The following FNDC10 variants were observed in gnomAD, a reference collection of about 807,000 sequenced individuals.
FNDC10 encodes fibronectin type III domain containing 10.
Under a neutral mutation model 11.6 loss-of-function variants are expected in FNDC10, and 8 were observed. The ratio of observed to expected loss-of-function variants is 0.69; its 90% CI spans 0.41 to 1.25. FNDC10 has a LOEUF of 1.25. Among genes scored for constraint, FNDC10 ranks in the 50% most tolerant of loss-of-function variants. FNDC10 has a pLI of 0.01. For synonymous variants in FNDC10, 187 were observed against 162.9 expected, an observed-to-expected ratio of 1.15 and a Z score of -1.12; for missense variants, 308 against 330.2, an observed-to-expected ratio of 0.93 and a Z score of 0.52.
At position 1,599,650 on chromosome 1, in the gene FNDC10, C is replaced by G. The variant is rs2100220683; in HGVS notation, c.366G>C (p.Glu122Asp). ...WRGAYTRFPC[E>D]RVLLGASCRD... is the part of the protein sequence containing the mutation. ...GGCAGGAGGCCCCGAGGAGCACGCG[C>G]TCGCACGGGAAGCGCGTGTAGGCGC... is the stretch of plus-strand genomic sequence containing the variant. Residue 122 changes from glutamate to aspartate, a missense_variant, in exon 1 of 1, where the codon GAG (glutamate) becomes GAC (aspartate). By Grantham distance (45) the Glu-to-Asp change is conservative. Coordinates refer to ENST00000422725, the MANE Select transcript of FNDC10 (RefSeq NM_001242659.2). The surrounding 1 kb of genome is among the most constrained non-coding windows in gnomAD (Gnocchi z 6.7). 1 of 1,477,726 alleles carries G rather than the reference C, an allele frequency of 6.8e-7. No individual in the cohort carries two copies. The highest frequency in any genetic ancestry group is 2.8e-5 in the East Asian group (1 of 35,116). The allele number at this position is 1,477,726 out of a possible 1,614,324, so 91.5% of individuals were successfully genotyped here.
rs1643073650 is a variant in FNDC10, at chr1:1,598,510, T to C, written c.*825A>G. ...GGCTGCTCAAGGCCGGTATCTAAGC[T>C]TCTGCCCTGGGACCCAGTGGTGATG... On this transcript the variant is annotated 3_prime_UTR_variant, in exon 1 of 1. Transcript: ENST00000422725. 6.6e-6 allele frequency: 1 copy of C among 152,232 alleles called. No homozygotes were observed. The highest frequency in any genetic ancestry group is 6.5e-5 in the Admixed American group (1 of 15,274). 9.4% of individuals were successfully genotyped at this position (152,232 alleles called of 1,614,324 possible).
rs1168419763 is a variant in FNDC10 at position 1,599,255 on chromosome 1, G to A, written c.*80C>T. 13 of 1,308,100 alleles carry A rather than the reference G, an allele frequency of 9.9e-6. No homozygotes were observed. The highest frequency in any genetic ancestry group is 2.9e-5 in the Admixed American group (1 of 34,526). 81.0% of individuals were successfully genotyped at this position (1,308,100 alleles called of 1,614,324 possible). ...ATCTTAAGGAGGCAGCAGGAATGAG[G>A]AGAGGAGAGCGGGCGGAGGACCTGG... On this transcript the variant is annotated 3_prime_UTR_variant, in exon 1 of 1. Coordinates refer to ENST00000422725, the MANE Select transcript of FNDC10 (RefSeq NM_001242659.2). This position sits in a 1 kb window ranked among gnomAD's most constrained non-coding sequence, Gnocchi z 6.7.
rs1457873518 is a variant in FNDC10, at chr1:1,599,063, A to G, written c.*272T>C. Reference sequence around the variant, plus strand: ...GGGGCTCCATGCCCTGGCCGCCTCTATAAAGGCCTGCGGAGAGCGGGGAGA... The same window carrying G: ...GGGGCTCCATGCCCTGGCCGCCTCTGTAAAGGCCTGCGGAGAGCGGGGAGA... On this transcript the variant is annotated 3_prime_UTR_variant, in exon 1 of 1. Coordinates refer to ENST00000422725, the MANE Select transcript of FNDC10 (RefSeq NM_001242659.2). This position sits in a 1 kb window ranked among gnomAD's most constrained non-coding sequence, Gnocchi z 6.7. 1.8e-5 allele frequency: 9 copies of G among 489,530 alleles called. No homozygotes were observed. Among genetic ancestry groups the G allele is most frequent in the African/African-American group, 1.0e-4 (5 of 48,902 alleles). 30.3% of individuals were successfully genotyped at this position (489,530 alleles called of 1,614,324 possible). A position where few individuals can be genotyped will look rare whatever the true frequency, so the allele number is the denominator to read the frequency against.
At position 1,599,331 on chromosome 1, in the gene FNDC10, C is replaced by CGCTGGG; in HGVS notation, c.*3_*4insCCCAGC. 2.7e-6 allele frequency: 4 copies of CGCTGGG among 1,481,904 alleles called. No homozygotes were observed. In the East Asian group the frequency reaches 8.0e-5, roughly 29 times the overall value. 91.8% of individuals were successfully genotyped at this position (1,481,904 alleles called of 1,614,324 possible). The stretch of plus-strand genomic sequence containing the variant: ...GCGCAAAGATGGGCGGGCGGCCTCG[C>CGCTGGG]GCTTCAGGGGTGTCTGCGCAGGCCG... On this transcript the variant is annotated 3_prime_UTR_variant, in exon 1 of 1. Transcript: ENST00000422725. The surrounding 1 kb of genome is among the most constrained non-coding windows in gnomAD (Gnocchi z 6.7).
Position 1,599,776 on chromosome 1 carries a change from G to A in FNDC10, c.240C>T (p.Arg80=). The change falls in exon 1 of 1, where the codon CGC becomes CGT. Residue 80 remains arginine (R), a synonymous_variant. Coordinates refer to ENST00000422725, the MANE Select transcript of FNDC10 (RefSeq NM_001242659.2). The surrounding 1 kb of genome is among the most constrained non-coding windows in gnomAD (Gnocchi z 6.7). ...VLHAPAGRSL[R]ASVLRNRSVL... is the part of the protein sequence containing the mutation. Reference sequence around the variant, plus strand: ...CGCTGCGGTTGCGCAGGACGCTGGCGCGCAGGGAGCGGCCGGCCGGGGCGT... The same window carrying A: ...CGCTGCGGTTGCGCAGGACGCTGGCACGCAGGGAGCGGCCGGCCGGGGCGT... 1.6e-6 allele frequency: 2 copies of A among 1,245,510 alleles called. No individual in the cohort carries two copies. Among genetic ancestry groups the A allele is most frequent in the Non-Finnish European group, 2.0e-6 (2 of 998,906 alleles). 77.2% of individuals were successfully genotyped at this position (1,245,510 alleles called of 1,614,324 possible).
In FNDC10 at chr1:1,599,623, G is replaced by A. The variant is rs1040843506; in HGVS notation, c.393C>T (p.Arg131=). Residue 131 remains arginine (R), a synonymous_variant, in exon 1 of 1, where the codon CGC becomes CGT. Transcript: ENST00000422725. This position sits in a 1 kb window ranked among gnomAD's most constrained non-coding sequence, Gnocchi z 6.7. The part of the protein sequence containing the change: ...CERVLLGASC[R]DYLLPDVHDS... ...CGTGCACGTCGGGCAGCAGGTAGTC[G>A]CGGCAGGAGGCCCCGAGGAGCACGC... The A allele has an allele frequency of 2.0e-6, 3 of 1,494,940 alleles. No homozygotes were observed. The highest frequency in any genetic ancestry group is 5.4e-5 in the East Asian group (2 of 36,806). The allele number at this position is 1,494,940 out of a possible 1,614,324, so 92.6% of individuals were successfully genotyped here.
Position 1,598,946 on chromosome 1 carries a change from A to G in FNDC10, c.*389T>C, listed in dbSNP as rs1459494930. The G allele has an allele frequency of 2.2e-5, 5 of 229,302 alleles. No individual in the cohort carries two copies. The highest frequency in any genetic ancestry group is 4.2e-5 in the Non-Finnish European group (5 of 118,678). 14.2% of individuals were successfully genotyped at this position (229,302 alleles called of 1,614,324 possible). A position where few individuals can be genotyped will look rare whatever the true frequency, so the allele number is the denominator to read the frequency against. ...GCTGCGCCCCAGGCCTGCAAAGCAC[A>G]GTGACCGAGCAATGGCGACGGTCTG... On this transcript the variant is annotated 3_prime_UTR_variant, in exon 1 of 1. Transcript: ENST00000422725.
Position 1,599,671 on chromosome 1 carries a change from G to C in FNDC10, c.345C>G (p.Ala115=), listed in dbSNP as rs1159739373. The C allele has an allele frequency of 1.4e-6, 2 of 1,446,990 alleles. No individual in the cohort carries two copies. The highest frequency in any genetic ancestry group is 3.0e-5 in the East Asian group (1 of 33,752). The allele number at this position is 1,446,990 out of a possible 1,614,324, so 89.6% of individuals were successfully genotyped here. The change falls in exon 1 of 1, where the codon GCC becomes GCG. Residue 115 remains alanine, a synonymous_variant. Coordinates refer to ENST00000422725, the MANE Select transcript of FNDC10 (RefSeq NM_001242659.2). The surrounding 1 kb of genome is among the most constrained non-coding windows in gnomAD (Gnocchi z 6.7). ...CGCGCTCGCACGGGAAGCGCGTGTA[G>C]GCGCCGCGCCACGAGCAGTTGAGCG... ...AFALNCSWRG[A]YTRFPCERVL...
In FNDC10 at chr1:1,598,953, G is replaced by C. The variant is rs377019182; in HGVS notation, c.*382C>G. 4.1e-6 allele frequency: 1 copy of C among 242,862 alleles called. No individual in the cohort carries two copies. The highest frequency in any genetic ancestry group is 7.9e-6 in the Non-Finnish European group (1 of 127,102). 15.0% of individuals were successfully genotyped at this position (242,862 alleles called of 1,614,324 possible). ...CCCAGGCCTGCAAAGCACAGTGACC[G>C]AGCAATGGCGACGGTCTGTCTGGGA... On this transcript the variant is annotated 3_prime_UTR_variant, in exon 1 of 1. Coordinates refer to ENST00000422725, the MANE Select transcript of FNDC10 (RefSeq NM_001242659.2).
chr1:1,599,720 G>C lies in FNDC10; in HGVS notation c.296C>G (p.Ala99Gly). ...CGCGAAGGCGCGCACGCGGCGCGCG[G>C]CGGCCGGGGCCAGGCGCCACTGCAG... is the stretch of plus-strand genomic sequence containing the variant. Reference protein sequence around the residue: ...VLLQWRLAPAAARRVRAFALN... With the variant: ...VLLQWRLAPAGARRVRAFALN... Residue 99 changes from alanine (A) to glycine (G), a missense_variant, in exon 1 of 1, where the codon GCC becomes GGC. Transcript: ENST00000422725. The surrounding 1 kb of genome is among the most constrained non-coding windows in gnomAD (Gnocchi z 6.7). 7.5e-7 allele frequency: 1 copy of C among 1,331,460 alleles called. No individual in the cohort carries two copies. Among genetic ancestry groups the C allele is most frequent in the Non-Finnish European group, 9.5e-7 (1 of 1,049,134 alleles). The allele number at this position is 1,331,460 out of a possible 1,614,324, so 82.5% of individuals were successfully genotyped here.
In FNDC10 at chr1:1,600,012, G is replaced by A. The variant is rs1349828936; in HGVS notation, c.4C>T (p.Arg2Cys). The A allele has an allele frequency of 1.0e-6, 1 of 979,884 alleles. No homozygotes were observed. The highest frequency in any genetic ancestry group is 1.2e-6 in the Non-Finnish European group (1 of 827,622). The allele number at this position is 979,884 out of a possible 1,614,324, so 60.7% of individuals were successfully genotyped here. Residue 2 changes from arginine (R) to cysteine (C), a missense_variant, in exon 1 of 1, where the codon CGC becomes TGC. Physicochemically the swap from Arg to Cys is radical, Grantham distance 180. Transcript: ENST00000422725. ...AGCAGCAGCAGCAGCGGCGGGGCGCGCATCCTGCGGCGGGGCCACGGGGCG... is the reference window on the plus strand; with the variant it reads ...AGCAGCAGCAGCAGCGGCGGGGCGCACATCCTGCGGCGGGGCCACGGGGCG... The part of the protein sequence containing the change: M[R>C]APPLLLLLAA...
In FNDC10 at chr1:1,599,752, G is replaced by A. The variant is rs1364878412; in HGVS notation, c.264C>T (p.Ser88=). 3.8e-6 allele frequency: 5 copies of A among 1,298,978 alleles called. No individual in the cohort carries two copies. The highest frequency in any genetic ancestry group is 2.2e-5 in the South Asian group (1 of 44,628). The allele number at this position is 1,298,978 out of a possible 1,614,324, so 80.5% of individuals were successfully genotyped here. A position where few individuals can be genotyped will look rare whatever the true frequency, so the allele number is the denominator to read the frequency against. Residue 88 remains serine, a synonymous_variant, in exon 1 of 1, where the codon AGC becomes AGT. Coordinates refer to ENST00000422725, the MANE Select transcript of FNDC10 (RefSeq NM_001242659.2). The surrounding 1 kb of genome is among the most constrained non-coding windows in gnomAD (Gnocchi z 6.7). ...GGGCCAGGCGCCACTGCAGGAGGAC[G>A]CTGCGGTTGCGCAGGACGCTGGCGC... ...SLRASVLRNR[S]VLLQWRLAPA...
At position 1,600,079 on chromosome 1, in the gene FNDC10, GCCCGCTC is replaced by G; in HGVS notation, c.-71_-65del. 1 of 857,358 alleles carries G rather than the reference GCCCGCTC, an allele frequency of 1.2e-6. No individual in the cohort carries two copies. Among genetic ancestry groups the G allele is most frequent in the Non-Finnish European group, 1.4e-6 (1 of 716,632 alleles). The allele number at this position is 857,358 out of a possible 1,614,324, so 53.1% of individuals were successfully genotyped here. On this transcript the variant is annotated 5_prime_UTR_variant, in exon 1 of 1. Coordinates refer to ENST00000422725, the MANE Select transcript of FNDC10 (RefSeq NM_001242659.2). ...GGGCCGCGCCGCCGCCGTCCCCGCT[GCCCGCTC>G]CCCGCGATCCCCGGCGCGCCGCGCC...
rs1228740676 is a variant in FNDC10, at chr1:1,599,694, G to A, written c.322C>T (p.Leu108Phe). 7.3e-7 allele frequency: 1 copy of A among 1,377,208 alleles called. No homozygotes were observed. Among genetic ancestry groups the A allele is most frequent in the South Asian group, 1.6e-5 (1 of 60,960 alleles). The allele number at this position is 1,377,208 out of a possible 1,614,324, so 85.3% of individuals were successfully genotyped here. Residue 108 changes from leucine (L) to phenylalanine (F), a missense_variant, in exon 1 of 1, where the codon CTC (leucine) becomes TTC (phenylalanine). By Grantham distance (22) the Leu-to-Phe change is conservative (BLOSUM62 0). Transcript: ENST00000422725. The surrounding 1 kb of genome is among the most constrained non-coding windows in gnomAD (Gnocchi z 6.7). ...AAARRVRAFA[L>F]NCSWRGAYTR... ...TAGGCGCCGCGCCACGAGCAGTTGAGCGCGAAGGCGCGCACGCGGCGCGCG... is the reference window on the plus strand; with the variant it reads ...TAGGCGCCGCGCCACGAGCAGTTGAACGCGAAGGCGCGCACGCGGCGCGCG...
rs1170576417 is a variant in FNDC10 at position 1,598,319 on chromosome 1, G to A, written c.*1016C>T. ...CCGGGGCCCGGGTCTGCAGCAGGTGGGCAGGGTCAGCTTTTCTTCCATGGC... is the reference window on the plus strand; with the variant it reads ...CCGGGGCCCGGGTCTGCAGCAGGTGAGCAGGGTCAGCTTTTCTTCCATGGC... On this transcript the variant is annotated 3_prime_UTR_variant, in exon 1 of 1. Transcript: ENST00000422725. 1 of 152,672 alleles carries A rather than the reference G, an allele frequency of 6.5e-6. No homozygotes were observed. The highest frequency in any genetic ancestry group is 1.5e-5 in the Non-Finnish European group (1 of 68,392). 9.5% of individuals were successfully genotyped at this position (152,672 alleles called of 1,614,324 possible). A position where few individuals can be genotyped will look rare whatever the true frequency, so the allele number is the denominator to read the frequency against.
Position 1,599,173 on chromosome 1 carries a change from G to T in FNDC10, c.*162C>A, listed in dbSNP as rs940274918. The T allele has an allele frequency of 1.5e-6, 1 of 665,128 alleles. No homozygotes were observed. The highest frequency in any genetic ancestry group is 3.1e-5 in the East Asian group (1 of 32,382). 41.2% of individuals were successfully genotyped at this position (665,128 alleles called of 1,614,324 possible). Reference sequence around the variant, plus strand: ...GGGAGTCTGACGCCCGGCTGGAAAGGGCGTGTGATGATGCCAAAGTGCCGG... The same window carrying T: ...GGGAGTCTGACGCCCGGCTGGAAAGTGCGTGTGATGATGCCAAAGTGCCGG... On this transcript the variant is annotated 3_prime_UTR_variant, in exon 1 of 1. Coordinates refer to ENST00000422725, the MANE Select transcript of FNDC10 (RefSeq NM_001242659.2). The surrounding 1 kb of genome is among the most constrained non-coding windows in gnomAD (Gnocchi z 6.7).
chr1:1,599,002 C>T lies in FNDC10; in HGVS notation c.*333G>A. 1 of 389,110 alleles carries T rather than the reference C, an allele frequency of 2.6e-6. No homozygotes were observed. The highest frequency in any genetic ancestry group is 4.6e-6 in the Non-Finnish European group (1 of 217,136). The allele number at this position is 389,110 out of a possible 1,614,324, so 24.1% of individuals were successfully genotyped here. On this transcript the variant is annotated 3_prime_UTR_variant, in exon 1 of 1. Transcript: ENST00000422725. This position sits in a 1 kb window ranked among gnomAD's most constrained non-coding sequence, Gnocchi z 6.7. ...GACAATTCGGCACAGGATGGAGGTG[C>T]GGGGTGAGCCGGAGTGCCCATGGCT...
chr1:1,599,216 C>T lies in FNDC10; in HGVS notation c.*119G>A. On this transcript the variant is annotated 3_prime_UTR_variant, in exon 1 of 1. Transcript: ENST00000422725. This position sits in a 1 kb window ranked among gnomAD's most constrained non-coding sequence, Gnocchi z 6.7. ...AGTGCCGGAGCCGTCGCCGGCAGGT[C>T]CTCCTCCGCGGGGATCTTAAGGAGG... 9.8e-7 allele frequency: 1 copy of T among 1,020,940 alleles called. No homozygotes were observed. The highest frequency in any genetic ancestry group is 1.4e-6 in the Non-Finnish European group (1 of 735,906). The allele number at this position is 1,020,940 out of a possible 1,614,324, so 63.2% of individuals were successfully genotyped here.
rs1643097103 is a variant in FNDC10 at position 1,600,106 on chromosome 1, C to T, written c.-91G>A. 1 of 610,368 alleles carries T rather than the reference C, an allele frequency of 1.6e-6. No individual in the cohort carries two copies. The highest frequency in any genetic ancestry group is 6.6e-5 in the Admixed American group (1 of 15,218). 37.8% of individuals were successfully genotyped at this position (610,368 alleles called of 1,614,324 possible). On this transcript the variant is annotated 5_prime_UTR_variant, in exon 1 of 1. Coordinates refer to ENST00000422725, the MANE Select transcript of FNDC10 (RefSeq NM_001242659.2). ...CCGCTCCCCGCGATCCCCGGCGCGC[C>T]GCGCCCTCCGCCGCCGCCCGCTCCG... is the stretch of plus-strand genomic sequence containing the variant.
Sources: allele counts gnomAD v4.1 joint callset, GRCh38; gene constraint gnomAD v4.1.1; non-coding constraint Gnocchi (gnomAD v3.1); transcripts MANE v1.5; gene names NCBI Gene and HGNC (gene_info 2026-07-23, HGNC 2026-07-21).